IL19: variants seen among roughly 807,000 people sequenced by gnomAD.
The protein encoded by IL19 is interleukin-19.
IL19 carries 15 observed loss-of-function variants against 19.5 expected under a neutral mutation model. That is an observed-to-expected ratio of 0.77 (90% CI 0.52 to 1.19). The LOEUF is 1.19. Ranked by LOEUF, IL19 falls within the 50% of genes most tolerant of loss-of-function variation. IL19 has a pLI of 0.00. For synonymous variants in IL19, 78 were observed against 78.3 expected, an observed-to-expected ratio of 1.00 and a Z score of 0.02; for missense variants, 199 against 213.1, an observed-to-expected ratio of 0.93 and a Z score of 0.41.
chr1:206,841,139 G>A, intron 6 of IL19, 61 bp downstream of exon 6: 2 of 1,334,018 alleles, frequency 1.5e-6, no homozygotes, highest in Non-Finnish European at 2.2e-6. Flanking sequence ...GAGGGTGCCA[G>A]GCCTTCAGCC....
intron 2 of IL19, among the ~76,000 whole-genome samples, chr1:206,835,745 C>T (rs764483451): frequency 1.3e-5 from 2 of 152,198 alleles, no homozygotes; most frequent in African/African-American, 2.4e-5. Context: ...ATAAGACATG[C>T]GTTAAGGCTA....
chr1:206,838,766 C>T lies in IL19; in HGVS notation c.211-1084C>T, dbSNP rs932608661. 4.7e-5 allele frequency among the ~76,000 whole-genome samples: 7 copies of T among 148,186 alleles called. No homozygotes were observed. The East Asian group carries it at 1.2e-3, about 26-fold the overall frequency. Reference sequence around the variant, plus strand: ...CTTCCCTTCCCTTCCCTTCCCTTCCCTTCCCTTCCCTTCCCTTCCCTTCCC... The same window carrying T: ...CTTCCCTTCCCTTCCCTTCCCTTCCTTTCCCTTCCCTTCCCTTCCCTTCCC... On this transcript the variant is annotated intron_variant, in intron 4 of 6. Transcript: ENST00000659997.
At chr1:206,775,082 C>A (rs1437559587) in intron 1 of IL19, among the ~76,000 whole-genome samples, 1 of 151,776 alleles carries the variant, frequency 6.6e-6, no homozygotes, top group Non-Finnish European at 1.5e-5. Flanking sequence ...GCTCTGTTGC[C>A]CAGGCTGGAG....
At position 206,776,602 on chromosome 1, in the gene IL19, T is replaced by A. The variant is rs1166046096; in HGVS notation, c.-149+5524T>A. On this transcript the variant is annotated intron_variant, in intron 1 of 6. Transcript: ENST00000659997. ...GCGGGGACTGAGAGACAGGACTAGC[T>A]GGATTTCCTAGACCAACTAAGAATC... Among the ~76,000 whole-genome samples the A allele has an allele frequency of 2.6e-5, 4 of 152,214 alleles. No individual in the cohort carries two copies. In the East Asian group the frequency reaches 7.7e-4, roughly 29 times the overall value.
Position 206,837,009 on chromosome 1 carries a change from C to T in IL19, c.196C>T (p.Leu66=). ...NVTILSTLET[L]QIIKPLDVCC... is the part of the protein sequence containing the mutation. ...CACTATCCTGTCCACATTGGAGACT[C>T]TGCAGATCATTAAGGTATTGGCCTG... The change falls in exon 4 of 7, where the codon CTG becomes TTG. Residue 66 remains leucine (L), a synonymous_variant. Coordinates refer to ENST00000659997, the MANE Select transcript of IL19 (RefSeq NM_153758.5). The T allele has an allele frequency of 6.2e-7, 1 of 1,613,350 alleles. No homozygotes were observed. The highest frequency in any genetic ancestry group is 1.3e-5 in the African/African-American group (1 of 75,036).
At chr1:206,790,962 A>C (rs1007676027) in intron 1 of IL19, among the ~76,000 whole-genome samples, 6 of 152,160 alleles carry the variant, frequency 3.9e-5, no homozygotes, top group Non-Finnish European at 5.9e-5. Flanking sequence ...ATCTTTCTTC[A>C]TTCTTTTTTG....
At chr1:206,804,274 G>A (rs1572556596) in intron 2 of IL19, among the ~76,000 whole-genome samples, 1 of 152,164 alleles carries the variant, frequency 6.6e-6, no homozygotes, top group South Asian at 2.1e-4. Context: ...ACATCTGTCC[G>A]AGTCATGACA....
At chr1:206,786,408 G>A (rs866987285) in intron 1 of IL19, among the ~76,000 whole-genome samples, 1 of 152,204 alleles carries the variant, frequency 6.6e-6, no homozygotes, top group African/African-American at 2.4e-5. Context: ...TCCAAAGATT[G>A]GTGCAAGTGG....
chr1:206,796,338 A>G (rs1395099606), intron 1 of IL19, among the ~76,000 whole-genome samples: 1 of 152,218 alleles, frequency 6.6e-6, no homozygotes, highest in Non-Finnish European at 1.5e-5. Flanking sequence ...GCACACCCAG[A>G]AATCATGCTT....
intron 1 of IL19, among the ~76,000 whole-genome samples, chr1:206,791,581 G>A (rs1675405058): frequency 1.3e-5 from 2 of 152,144 alleles, no homozygotes; most frequent in Admixed American, 6.5e-5. Context: ...GGGATTACAG[G>A]CATGAGCCAC....
At chr1:206,790,715 G>C (rs1374310393) in intron 1 of IL19, among the ~76,000 whole-genome samples, 1 of 152,160 alleles carries the variant, frequency 6.6e-6, no homozygotes, top group Admixed American at 6.5e-5. Flanking sequence ...CCGGGCCTCT[G>C]ACACCTCATC....
At chr1:206,795,856 C>T (rs890584580) in intron 1 of IL19, among the ~76,000 whole-genome samples, 2 of 151,704 alleles carry the variant, frequency 1.3e-5, no homozygotes, top group African/African-American at 4.9e-5. Flanking sequence ...AAGAAGAAGC[C>T]TTCTTTGATT....
At chr1:206,810,244 C>T (rs748745257) in intron 2 of IL19, among the ~76,000 whole-genome samples, 1 of 152,204 alleles carries the variant, frequency 6.6e-6, no homozygotes, top group Non-Finnish European at 1.5e-5. Context: ...ATTTATGAGA[C>T]ATTCTGGGTT....
At chr1:206,829,922 C>T (rs1000265260) in intron 2 of IL19, among the ~76,000 whole-genome samples, 3 of 152,166 alleles carry the variant, frequency 2.0e-5, no homozygotes, top group Non-Finnish European at 4.4e-5. Context: ...GGCATAGGTG[C>T]CCAATGTGGA....
chr1:206,782,986 G>C (rs1675183873), intron 1 of IL19, among the ~76,000 whole-genome samples: 1 of 152,196 alleles, frequency 6.6e-6, no homozygotes. Context: ...CCACTGGCCA[G>C]AATTTGTCCA....
chr1:206,796,599 A>G (rs1395696235), intron 1 of IL19, among the ~76,000 whole-genome samples: 3 of 152,116 alleles, frequency 2.0e-5, no homozygotes, highest in African/African-American at 7.3e-5. Context: ...CTATGTTTAG[A>G]TATGTTTAGA....
chr1:206,825,580 G>A (rs1558619172), intron 2 of IL19, among the ~76,000 whole-genome samples: 1 of 152,192 alleles, frequency 6.6e-6, no homozygotes, highest in Non-Finnish European at 1.5e-5. Flanking sequence ...AGTTATGTTG[G>A]ATACTGGGAG....
intron 4 of IL19, among the ~76,000 whole-genome samples, chr1:206,839,433 A>G (rs1244695407): frequency 6.6e-6 from 1 of 152,214 alleles, no homozygotes; most frequent in Middle Eastern, 3.2e-3. Context: ...GACATAACAG[A>G]GAGGCAACTT....
At chr1:206,779,548 C>A (rs1479632446) in intron 1 of IL19, among the ~76,000 whole-genome samples, 2 of 152,172 alleles carry the variant, frequency 1.3e-5, no homozygotes, top group African/African-American at 4.8e-5. Flanking sequence ...AAATAAATGC[C>A]AAATTGTTAT....
Sources: allele counts gnomAD v4.1 joint callset (sites outside exome capture counted in the v4.1 genomes callset), GRCh38; gene constraint gnomAD v4.1.1; transcripts MANE v1.5; gene names NCBI Gene and HGNC (gene_info 2026-07-23, HGNC 2026-07-21).